Variants in EZR observed in about 807,000 individuals in gnomAD.
The protein encoded by EZR is cytovillin 2.
A neutral mutation model predicts 74.8 loss-of-function variants in EZR; 40 were observed. The ratio of observed to expected loss-of-function variants is 0.53; its 90% confidence interval spans 0.42 to 0.70. The LOEUF (loss-of-function observed/expected upper bound fraction) is 0.70. Ranked by LOEUF, EZR falls within the 30% of genes least tolerant of loss-of-function variation. The probability of loss-of-function intolerance (pLI) is 0.00; values close to 1 mark genes in which losing one functional copy is unlikely to be tolerated. For missense variants in EZR, 678 were observed against 755.8 expected, an observed-to-expected ratio of 0.90 and a Z score of 1.21; for synonymous variants, 341 against 283.3, an observed-to-expected ratio of 1.20 and a Z score of -2.05.
At chr6:158,808,307 A>C (rs1777384925) in intron 2 of EZR, among the ~76,000 whole-genome samples, 1 of 152,174 alleles carries the variant, frequency 6.6e-6, no homozygotes, top group South Asian at 2.1e-4. Flanking sequence ...TGCTTTTTCC[A>C]AGCTTTCGGG....
At chr6:158,807,555 C>G (rs559888841) in intron 2 of EZR, among the ~76,000 whole-genome samples, 1 of 152,100 alleles carries the variant, frequency 6.6e-6, no homozygotes, top group Non-Finnish European at 1.5e-5. Context: ...ACTGTCCAAC[C>G]CAAAAGTGAT....
At chr6:158,809,192 C>G (rs1442845107) in intron 2 of EZR, among the ~76,000 whole-genome samples, 1 of 150,794 alleles carries the variant, frequency 6.6e-6, no homozygotes, top group African/African-American at 2.4e-5. Flanking sequence ...AGGTGGAGAC[C>G]GAGTTCTATG....
intron 1 of EZR, among the ~76,000 whole-genome samples, chr6:158,818,866 G>C (rs995305344): frequency 6.6e-6 from 1 of 150,410 alleles, no homozygotes; most frequent in Non-Finnish European, 1.5e-5. Context: ...GGCACTCGCT[G>C]GGGAGGGATC....
intron 2 of EZR, among the ~76,000 whole-genome samples, chr6:158,801,749 C>G (rs188341698): frequency 5.9e-5 from 9 of 152,346 alleles, no homozygotes; most frequent in African/African-American, 2.2e-4. Flanking sequence ...CCACAGGGGT[C>G]AAAGTGCTAG....
Position 158,783,663 on chromosome 6 carries a change from A to C in EZR, c.555T>G (p.Asp185Glu). 1.2e-6 allele frequency: 2 copies of C among 1,613,644 alleles called. No individual in the cohort carries two copies. Among genetic ancestry groups the C allele is most frequent in the Non-Finnish European group, 1.7e-6 (2 of 1,179,824 alleles). The change falls in exon 7 of 14, where the codon GAT (aspartate) becomes GAG (glutamate). Residue 185 changes from aspartate (D) to glutamate (E), a missense_variant. Transcript: ENST00000367075. ...TCTTCAGGTATTCCAACATAGCATT[A>C]TCTCTAATTGGGGAGAGTGAAACAG... ...WHAEHRGMLK[D>E]NAMLEYLKIA...
chr6:158,804,928 A>T (rs796804535), intron 2 of EZR, among the ~76,000 whole-genome samples: 14 of 80,272 alleles, frequency 1.7e-4, no homozygotes, highest in African/African-American at 7.3e-4. Flanking sequence ...CCCACCCCAC[A>T]ACAGTCCCCA....
chr6:158,766,865 G>A lies in EZR; in HGVS notation c.*49C>T. The A allele has an allele frequency of 1.9e-6, 3 of 1,563,304 alleles. No homozygotes were observed. Among genetic ancestry groups the A allele is most frequent in the South Asian group, 1.1e-5 (1 of 87,478 alleles). On this transcript the variant is annotated 3_prime_UTR_variant, in exon 14 of 14. Transcript: ENST00000367075. ...CTAAAGACACAAGCGTGGCGGGGCT[G>A]GCAGCGCCCGCTATGAGCACCCCTC...
At chr6:158,773,002 G>C (rs1191285754) in intron 8 of EZR, among the ~76,000 whole-genome samples, 1 of 152,180 alleles carries the variant, frequency 6.6e-6, no homozygotes, top group African/African-American at 2.4e-5. Flanking sequence ...TCACACCCTT[G>C]CTGTTAAGTC....
At chr6:158,789,994 C>T (rs760972738) in intron 2 of EZR, among the ~76,000 whole-genome samples, 8 of 152,072 alleles carry the variant, frequency 5.3e-5, no homozygotes, top group Non-Finnish European at 1.0e-4. Context: ...ATGAGCCTTA[C>T]GACAGCCAAG....
intron 2 of EZR, among the ~76,000 whole-genome samples, chr6:158,794,603 A>G (rs1777027585): frequency 6.6e-6 from 1 of 152,122 alleles, no homozygotes; most frequent in African/African-American, 2.4e-5. Context: ...ACTGGAGAAA[A>G]AGAGCGCGTG....
intron 2 of EZR, among the ~76,000 whole-genome samples, chr6:158,791,855 C>A (rs1173809254): frequency 6.6e-6 from 1 of 151,766 alleles, no homozygotes; most frequent in Non-Finnish European, 1.5e-5. Context: ...ACTACAGGTG[C>A]CCGCCACAAC....
At chr6:158,795,637 C>G (rs1258022767) in intron 2 of EZR, among the ~76,000 whole-genome samples, 1 of 152,198 alleles carries the variant, frequency 6.6e-6, no homozygotes, top group Non-Finnish European at 1.5e-5. Flanking sequence ...ACTGTGAGTA[C>G]AGAGAGGCAT....
chr6:158,770,963 C>T, intron 9 of EZR, 69 bp from the exon 10 acceptor site: 1 of 1,604,184 alleles, frequency 6.2e-7, no homozygotes, highest in South Asian at 1.1e-5. Flanking sequence ...CAACACACTT[C>T]ACGGGTACTT....
At chr6:158,772,798 C>CA (rs1360392415) in intron 8 of EZR, among the ~76,000 whole-genome samples, 2 of 152,048 alleles carry the variant, frequency 1.3e-5, no homozygotes, top group East Asian at 1.9e-4. Context: ...GTGGCTAAAA[C>CA]AAAAAAACAG....
chr6:158,766,951 T>C lies in EZR; in HGVS notation c.1724A>G (p.Asn575Ser). The change falls in exon 14 of 14, where the codon AAC (asparagine) becomes AGC (serine). Residue 575 changes from asparagine (N) to serine (S), a missense_variant. This residue lies in a region of EZR where 342 missense variants were observed against 341.2 expected (regional missense o/e 1.00). Transcript: ENST00000367075. The stretch of plus-strand genomic sequence containing the variant: ...GAACTCGTCGATGCGCTGCTTGGTG[T>C]TGCCCTGCCGGATCTGCCGCAGCGT... ...YKTLRQIRQG[N>S]TKQRIDEFEA... 1 of 1,614,170 alleles carries C rather than the reference T, an allele frequency of 6.2e-7. No homozygotes were observed. The highest frequency in any genetic ancestry group is 8.5e-7 in the Non-Finnish European group (1 of 1,180,014).
intron 1 of EZR, 59 bp from the exon 2 acceptor site, chr6:158,818,225 G>A: frequency 3.1e-6 from 3 of 958,748 alleles, no homozygotes; most frequent in South Asian, 1.8e-5. Context: ...CTCCTGCCGC[G>A]CCCGACACTC....
intron 2 of EZR, among the ~76,000 whole-genome samples, chr6:158,811,336 AGAG>A (rs1252779925): frequency 4.0e-5 from 3 of 74,238 alleles, no homozygotes; most frequent in Non-Finnish European, 7.0e-5. Context: ...GCTTCAGAAT[AGAG>A]CTGAAACATC....
At position 158,765,903 on chromosome 6, in the gene EZR, C is replaced by T. The variant is rs984472679; in HGVS notation, c.*1011G>A. ...TTCCAGCAGCCTGCCAAGGCCATGG[C>T]AGAGAGAGACTGCAAACAAACAAAC... On this transcript the variant is annotated 3_prime_UTR_variant, in exon 14 of 14. Transcript: ENST00000367075. The T allele has an allele frequency of 5.4e-5, 7 of 129,558 alleles. No individual in the cohort carries two copies. The highest frequency in any genetic ancestry group is 1.7e-4 in the African/African-American group (6 of 36,146). 8.0% of individuals were successfully genotyped at this position (129,558 alleles called of 1,614,324 possible).
At chr6:158,816,183 G>T (rs1347355982) in intron 2 of EZR, among the ~76,000 whole-genome samples, 1 of 152,178 alleles carries the variant, frequency 6.6e-6, no homozygotes, top group East Asian at 1.9e-4. Flanking sequence ...TGGGGATGGG[G>T]AGGGAGAGTT....
Sources: gnomAD v4.1 joint callset for allele counts (sites outside exome capture counted in the v4.1 genomes callset) on GRCh38, gnomAD v4.1.1 for gene constraint, gnomAD v4.1.1 regional missense constraint, MANE v1.5 for transcripts, NCBI Gene and HGNC (gene_info 2026-07-23, HGNC 2026-07-21) for gene names.